Variants in GAK observed in about 807,000 individuals in gnomAD.
GAK encodes cyclin G associated kinase.
A neutral mutation model predicts 143.9 loss-of-function variants in GAK; 79 were observed. That is an observed-to-expected ratio of 0.55 (90% CI 0.46 to 0.66). GAK has a LOEUF of 0.66. Ranked by LOEUF, GAK falls within the 30% of genes least tolerant of loss-of-function variation. The pLI is 0.00. For missense variants in GAK, 1,693 were observed against 1,779.7 expected (o/e 0.95, Z 0.88); for synonymous variants, 881 against 765.5 (o/e 1.15, Z -2.49).
Position 849,982 on chromosome 4 carries a change from G to C in GAK, c.3744C>G (p.Arg1248=). 1 of 1,611,962 alleles carries C rather than the reference G, an allele frequency of 6.2e-7. No homozygotes were observed. ...LHTVLWDGES[R]WTPVGMADLV... is the part of the protein sequence containing the mutation. Reference sequence around the variant, plus strand: ...GGTCGGCCATGCCCACGGGCGTCCAGCGGCTCTCCCCGTCCCACAGCACTG... The same window carrying C: ...GGTCGGCCATGCCCACGGGCGTCCACCGGCTCTCCCCGTCCCACAGCACTG... The change falls in exon 27 of 28, where the codon CGC becomes CGG. Residue 1248 remains arginine (R), a synonymous_variant. Transcript: ENST00000314167.
At chr4:877,296 C>T in intron 16 of GAK, 89 bp from the exon 17 acceptor site, 1 of 922,294 alleles carries the variant, frequency 1.1e-6, no homozygotes, top group Non-Finnish European at 1.8e-6. Flanking sequence ...AAATTGTCCA[C>T]TTAGCTAAAA....
chr4:920,594 G>A (rs568653944), intron 1 of GAK, among the ~76,000 whole-genome samples: 41 of 139,984 alleles, frequency 2.9e-4, no homozygotes, highest in Non-Finnish European at 4.5e-4. Context: ...CCCAGGCTGC[G>A]GTGCAGAGGC....
At chr4:881,494 A>G (rs1035902756) in intron 15 of GAK, among the ~76,000 whole-genome samples, 2 of 152,100 alleles carry the variant, frequency 1.3e-5, no homozygotes, top group African/African-American at 4.8e-5. Context: ...GTGGAGCGGC[A>G]CAGAAGCCTG....
chr4:856,540 C>G (rs898357277), intron 24 of GAK, among the ~76,000 whole-genome samples: 1 of 144,726 alleles, frequency 6.9e-6, no homozygotes, highest in Non-Finnish European at 1.5e-5. Flanking sequence ...ACCACAGCTG[C>G]TCACACCTGC....
Position 869,844 on chromosome 4 carries a change from C to T in GAK, c.2248+867G>A, listed in dbSNP as rs566125756. 2.0e-5 allele frequency: 3 copies of T among 150,652 alleles called. No homozygotes were observed. In the East Asian group the frequency reaches 5.9e-4, roughly 30 times the overall value. The allele number at this position is 150,652 out of a possible 1,614,324, so 9.3% of individuals were successfully genotyped here. A position where few individuals can be genotyped will look rare whatever the true frequency, so the allele number is the denominator to read the frequency against. ...CAGGCACAGTACACATGAATGCACA[C>T]AGCACACATAGATGCAGGGTACACA... On this transcript the variant is annotated intron_variant, in intron 19 of 27. Coordinates refer to ENST00000314167, the MANE Select transcript of GAK (RefSeq NM_005255.4).
intron 24 of GAK, among the ~76,000 whole-genome samples, chr4:857,930 T>C (rs545216510): frequency 6.6e-6 from 1 of 152,322 alleles, no homozygotes; most frequent in South Asian, 2.1e-4. Context: ...GCCCTGGGCT[T>C]TCCTAGGCTG....
intron 17 of GAK, 98 bp downstream of exon 17, chr4:876,992 C>T (rs1714055567): frequency 6.0e-6 from 5 of 831,788 alleles, no homozygotes; most frequent in Admixed American, 2.2e-5. Flanking sequence ...CAGCGAGCAC[C>T]CTGGACCCTC....
At chr4:854,836 G>C (rs1412641449) in intron 24 of GAK, among the ~76,000 whole-genome samples, 1 of 152,164 alleles carries the variant, frequency 6.6e-6, no homozygotes, top group Non-Finnish European at 1.5e-5. Context: ...ACGAGGTCAG[G>C]AGATCAAGAC....
rs201946436 is a variant in GAK, at chr4:876,647, T to C, written c.1975-38A>G. The C allele has an allele frequency of 8.8e-6, 14 of 1,583,358 alleles. No homozygotes were observed. In the African/African-American group the frequency reaches 1.3e-4, roughly 15 times the overall value. On this transcript the variant is annotated intron_variant, in intron 17 of 27. Transcript: ENST00000314167. ...CAAACACGACACCCCACGTGGAGGGTGAATCCAGATCCTGGGGCCACAGGC... is the reference window on the plus strand; with the variant it reads ...CAAACACGACACCCCACGTGGAGGGCGAATCCAGATCCTGGGGCCACAGGC...
intron 5 of GAK, among the ~76,000 whole-genome samples, chr4:902,877 A>G (rs1720203215): frequency 6.6e-6 from 1 of 152,206 alleles, no homozygotes; most frequent in South Asian, 2.1e-4. Flanking sequence ...AAGGCAAGAA[A>G]CAAAAGGAAG....
rs183726596 is a variant in GAK, at chr4:858,578, C to T, written c.3283+1028G>A. 1.5e-4 allele frequency among the ~76,000 whole-genome samples: 23 copies of T among 152,344 alleles called. 1 individual carries two copies. The highest frequency in any genetic ancestry group is 1.2e-3 in the Admixed American group (19 of 15,310). On this transcript the variant is annotated intron_variant, in intron 24 of 27. Transcript: ENST00000314167. ...AAATACAAAACCACACCGACAGAAA[C>T]GCTCATGGATGTCCTCAAGACATAG...
chr4:893,002 A>AC, intron 9 of GAK, among the ~76,000 whole-genome samples: 1 of 150,912 alleles, frequency 6.6e-6, no homozygotes, highest in South Asian at 2.1e-4. Context: ...GTGGGCAGAG[A>AC]CCCCCAGGGT....
rs370708570 is a variant in GAK, at chr4:903,813, A to C, written c.525+824T>G. ...ACAGCTCCCCACGGAAACTGGAGTG[A>C]GCAAGCATCCAGCATGGGGACCTGG... On this transcript the variant is annotated intron_variant, in intron 5 of 27. Coordinates refer to ENST00000314167, the MANE Select transcript of GAK (RefSeq NM_005255.4). 2.0e-3 allele frequency among the ~76,000 whole-genome samples: 311 copies of C among 152,176 alleles called. 13 individuals are homozygous for C. In the South Asian group the frequency reaches 0.06, roughly 29 times the overall value.
At position 867,047 on chromosome 4, in the gene GAK, C is replaced by A; in HGVS notation, c.2781G>T (p.Glu927Asp). 6.6e-7 allele frequency: 1 copy of A among 1,521,166 alleles called. No individual in the cohort carries two copies. Among genetic ancestry groups the A allele is most frequent in the Non-Finnish European group, 8.8e-7 (1 of 1,134,978 alleles). 94.2% of individuals were successfully genotyped at this position (1,521,166 alleles called of 1,614,324 possible). Reference protein sequence around the residue: ...PPEAASQGPPEDLLSEDPLLL... With the variant: ...PPEAASQGPPDDLLSEDPLLL... The stretch of plus-strand genomic sequence containing the variant: ...GCAGCGGGTCCTCGCTGAGCAGATC[C>A]TCCGGGGGCCCCTGGGAGGCGGCCT... Residue 927 changes from glutamate to aspartate, a missense_variant, in exon 21 of 28, where the codon GAG becomes GAT. Coordinates refer to ENST00000314167, the MANE Select transcript of GAK (RefSeq NM_005255.4).
chr4:869,693 C>T (rs532059875), intron 19 of GAK: 1 of 151,786 alleles, frequency 6.6e-6, no homozygotes, highest in African/African-American at 2.4e-5. Flanking sequence ...ATGCAGGGTA[C>T]ACATGAATGC....
chr4:864,492 C>A (rs950791956), intron 23 of GAK, among the ~76,000 whole-genome samples: 1 of 152,218 alleles, frequency 6.6e-6, no homozygotes, highest in African/African-American at 2.4e-5. Context: ...CCCGCGACAT[C>A]GCTGAGGCCG....
At chr4:917,709 C>T (rs1207728037) in intron 1 of GAK, among the ~76,000 whole-genome samples, 6 of 152,236 alleles carry the variant, frequency 3.9e-5, no homozygotes, top group African/African-American at 1.2e-4. Context: ...CCTTGATTAG[C>T]GTGGCAGATA....
intron 14 of GAK, among the ~76,000 whole-genome samples, chr4:882,283 C>T (rs1715297634): frequency 6.6e-6 from 1 of 152,234 alleles, no homozygotes; most frequent in Non-Finnish European, 1.5e-5. Context: ...CTGCTGGTGC[C>T]CCGTACCCCG....
chr4:852,259 AC>A (rs1748300361), intron 24 of GAK: 1 of 524,610 alleles, frequency 1.9e-6, no homozygotes, highest in African/African-American at 1.9e-5. Flanking sequence ...GCCAAGGCAG[AC>A]CCAGGGCTTG....
Sources: allele counts gnomAD v4.1 joint callset (sites outside exome capture counted in the v4.1 genomes callset), GRCh38; gene constraint gnomAD v4.1.1; transcripts MANE v1.5; gene names NCBI Gene and HGNC (gene_info 2026-07-23, HGNC 2026-07-21).